Variants in SGCD observed in about 807,000 individuals in gnomAD.
The protein encoded by SGCD is sarcoglycan delta.
In SGCD, 18 loss-of-function variants were observed where a neutral mutation model predicts 36.6. That is an observed-to-expected ratio of 0.49 (90% confidence interval 0.34 to 0.73). The LOEUF (loss-of-function observed/expected upper bound fraction) is 0.73, where lower values mean the gene tolerates loss of function less well. Among genes scored for constraint, SGCD ranks in the 30% least tolerant of loss-of-function variants. The pLI, the probability that SGCD is intolerant of heterozygous loss-of-function variation, is 0.01. For synonymous variants in SGCD, 133 were observed against 130.6 expected, an observed-to-expected ratio of 1.02 and a Z score of -0.12; for missense variants, 387 against 346.7, an observed-to-expected ratio of 1.12 and a Z score of -0.92.
At chr5:156,519,837 A>C (rs1757329184) in intron 4 of SGCD, among the ~76,000 whole-genome samples, 1 of 152,238 alleles carries the variant, frequency 6.6e-6, no homozygotes, top group Admixed American at 6.5e-5. Flanking sequence ...AAAAACTCCC[A>C]ATAAATGAGG....
intron 1 of SGCD, among the ~76,000 whole-genome samples, chr5:155,894,081 CGAGTGGTGAGT>C (rs1756194700): frequency 6.6e-6 from 1 of 152,088 alleles, no homozygotes; most frequent in Non-Finnish European, 1.5e-5. Flanking sequence ...AGTTGGTGAG[CGAGTGGTGAGT>C]GAATGTGAAG....
rs1358633076 is a variant in SGCD, at chr5:156,210,209, CA to C, written c.-44+86191del. ...CCCAGGCAATAGGCACCCATCTGCT[CA>C]CCTAGGCCAGCCTGCTTAAAAAGAC... On this transcript the variant is annotated intron_variant, in intron 3 of 9. Coordinates refer to the SGCD transcript ENST00000517913. 3.2e-3 allele frequency among the ~76,000 whole-genome samples: 489 copies of C among 152,282 alleles called. 4 individuals are homozygous for C. Among genetic ancestry groups the C allele is most frequent in the Non-Finnish European group, 3.1e-3 (210 of 68,014 alleles).
intron 3 of SGCD, among the ~76,000 whole-genome samples, chr5:156,421,248 T>C (rs1031989906): frequency 6.6e-6 from 1 of 152,062 alleles, no homozygotes; most frequent in African/African-American, 2.4e-5. Flanking sequence ...AAGAGGGTAA[T>C]AACCCAGGCC....
At chr5:156,583,008 G>C (rs1760344977) in intron 4 of SGCD, among the ~76,000 whole-genome samples, 1 of 152,198 alleles carries the variant, frequency 6.6e-6, no homozygotes, top group African/African-American at 2.4e-5. Flanking sequence ...ATGATGTCTA[G>C]AGAGCAGAAA....
intron 3 of SGCD, among the ~76,000 whole-genome samples, chr5:156,268,566 CCTT>C (rs1766064457): frequency 1.6e-5 from 1 of 64,400 alleles, no homozygotes; most frequent in African/African-American, 6.0e-5. Context: ...TTGATTTGCT[CCTT>C]CCTTCCTTCC....
intron 3 of SGCD, among the ~76,000 whole-genome samples, chr5:156,360,647 G>A (rs1294251213): frequency 6.6e-6 from 1 of 152,012 alleles, no homozygotes; most frequent in Non-Finnish European, 1.5e-5. Flanking sequence ...AAAGACTCCA[G>A]ACTCAGTCAG....
chr5:156,485,086 C>G (rs1413233829), intron 3 of SGCD, among the ~76,000 whole-genome samples: 1 of 151,854 alleles, frequency 6.6e-6, no homozygotes, highest in African/African-American at 2.4e-5. Context: ...GTCTGACATT[C>G]CTAAGAAACA....
rs1209970406 is a variant in SGCD, at chr5:156,143,852, G to A, written c.-44+19833G>A. On this transcript the variant is annotated intron_variant, in intron 3 of 9. Coordinates refer to the SGCD transcript ENST00000517913. ...GCTGCACCCATTAACTCATCATTTA[G>A]CATTAGGTATATCTCCTAAGGCTAT... Among the ~76,000 whole-genome samples, 4 of 150,884 alleles carry A rather than the reference G, an allele frequency of 2.7e-5. No individual in the cohort carries two copies. In the East Asian group the frequency reaches 7.8e-4, roughly 30 times the overall value.
the SGCD span, among the ~76,000 whole-genome samples, chr5:155,794,825 CTG>C: frequency 6.6e-6 from 1 of 151,962 alleles, no homozygotes; most frequent in Non-Finnish European, 1.5e-5. Flanking sequence ...TCTAGAAGCT[CTG>C]TGAATCACAA....
intron 4 of SGCD, among the ~76,000 whole-genome samples, chr5:156,534,584 C>T (rs117903937): frequency 1.3e-5 from 2 of 152,284 alleles, no homozygotes; most frequent in East Asian, 3.9e-4. Context: ...TCTTCCTTCC[C>T]ATGGGAAGAC....
At chr5:156,229,664 T>A (rs114650049) in intron 3 of SGCD, among the ~76,000 whole-genome samples, 1,854 of 152,222 alleles carry the variant, frequency 0.012, 45 homozygotes, top group African/African-American at 0.043. Flanking sequence ...ATTTTTGTGA[T>A]GAATTTCCCA....
chr5:156,427,807 G>A (rs1773741400), intron 3 of SGCD, among the ~76,000 whole-genome samples: 2 of 152,094 alleles, frequency 1.3e-5, no homozygotes. Context: ...TATGATTTTT[G>A]TTTTTAATTC....
the SGCD span, among the ~76,000 whole-genome samples, chr5:155,808,481 C>G: frequency 1.3e-5 from 2 of 152,176 alleles, no homozygotes; most frequent in Non-Finnish European, 2.9e-5. Flanking sequence ...TGTGAAGAAT[C>G]TGTAGTCTTC....
At chr5:156,735,759 GC>G (rs949591349) in intron 7 of SGCD, among the ~76,000 whole-genome samples, 4 of 152,124 alleles carry the variant, frequency 2.6e-5, no homozygotes, top group African/African-American at 9.7e-5. Context: ...CCTGGATTCA[GC>G]CACTTTCCTA....
At chr5:155,763,391 A>G in the SGCD span, among the ~76,000 whole-genome samples, 1 of 152,180 alleles carries the variant, frequency 6.6e-6, no homozygotes, top group Non-Finnish European at 1.5e-5. Context: ...ACAGTAATGG[A>G]AAGTAATGAA....
At chr5:156,310,783 A>AAG (rs747738023) in intron 3 of SGCD, among the ~76,000 whole-genome samples, 5 of 151,990 alleles carry the variant, frequency 3.3e-5, no homozygotes, top group South Asian at 2.1e-4. Context: ...TCAAAAATAA[A>AAG]AGAGAGAGAG....
intron 1 of SGCD, among the ~76,000 whole-genome samples, chr5:156,041,609 AC>A (rs1397857046): frequency 5.3e-5 from 8 of 152,106 alleles, no homozygotes; most frequent in Admixed American, 3.3e-4. Context: ...TATGTAAAGA[AC>A]TCTAGACTTG....
At chr5:156,418,473 G>A (rs778292737) in intron 3 of SGCD, among the ~76,000 whole-genome samples, 4 of 152,138 alleles carry the variant, frequency 2.6e-5, no homozygotes, top group Non-Finnish European at 5.9e-5. Flanking sequence ...AGAGAGCACA[G>A]CCTCCACCAC....
chr5:155,898,876 G>A lies in SGCD; in HGVS notation c.-282+28452G>A, dbSNP rs187791251. Among the ~76,000 whole-genome samples, 1,084 of 152,288 alleles carry A rather than the reference G, an allele frequency of 7.1e-3. 2 individuals carry two copies. The highest frequency in any genetic ancestry group is 0.02 in the Middle Eastern group (6 of 294). On this transcript the variant is annotated intron_variant, in intron 1 of 9. Coordinates refer to the SGCD transcript ENST00000517913. ...AGTGACTCCTAGATGCTGCTAACCA[G>A]GTATCTCTTATGTTTCCCTGGCTAG...
Sources: allele counts gnomAD v4.1 joint callset (sites outside exome capture counted in the v4.1 genomes callset), GRCh38; gene constraint gnomAD v4.1.1; transcripts MANE v1.5; gene names NCBI Gene and HGNC (gene_info 2026-07-23, HGNC 2026-07-21).